Variants in PSMD3 observed in about 807,000 individuals in gnomAD.
PSMD3 encodes 26S proteasome non-ATPase regulatory subunit 3.
Under a neutral mutation model 62.8 loss-of-function variants are expected in PSMD3, and 5 were observed. That is an observed-to-expected ratio of 0.08 (90% CI 0.04 to 0.17). The LOEUF is 0.17. Among genes scored for constraint, PSMD3 ranks in the 10% least tolerant of loss-of-function variants. PSMD3 has a pLI of 1.00. For missense variants in PSMD3, 524 were observed against 713.6 expected (o/e 0.73, Z 3.03); for synonymous variants, 265 against 283.9 (o/e 0.93, Z 0.67).
Position 39,995,255 on chromosome 17 carries a change from C to T in PSMD3, c.1176C>T (p.Tyr392=), listed in dbSNP as rs765079424. ...AGAAGTTTCAAGCAGATGGGACCTA[C>T]ACCCTAATTATCCGGCTGCGGCACA... The part of the protein sequence containing the change: ...FGEKFQADGT[Y]TLIIRLRHNV... Residue 392 remains tyrosine (Y), a synonymous_variant, in exon 8 of 12, where the codon TAC becomes TAT. Coordinates refer to ENST00000264639, the MANE Select transcript of PSMD3 (RefSeq NM_002809.4). The surrounding 1 kb of genome is among the most constrained non-coding windows in gnomAD (Gnocchi z 4.1). 2.5e-6 allele frequency: 4 copies of T among 1,614,200 alleles called. No individual in the cohort carries two copies. The highest frequency in any genetic ancestry group is 2.2e-5 in the East Asian group (1 of 44,884).
chr17:39,984,117 G>A (rs1465622096), intron 1 of PSMD3, among the ~76,000 whole-genome samples, 177 bp from the exon 2 acceptor site: 2 of 147,898 alleles, frequency 1.4e-5, no homozygotes, highest in East Asian at 2.0e-4. Context: ...GGAGAATGGT[G>A]TGAACCCAGC....
chr17:39,984,199 C>CAA (rs34306234), intron 1 of PSMD3, 95 bp from the exon 2 acceptor site: 14,580 of 316,616 alleles, frequency 0.046, 165 homozygotes, highest in African/African-American at 0.083. Context: ...GACTCCGTCT[C>CAA]AAAAAAAAAA....
chr17:39,986,467 C>A, intron 2 of PSMD3, 108 bp from the exon 3 acceptor site: 2 of 1,350,708 alleles, frequency 1.5e-6, no homozygotes, highest in Non-Finnish European at 2.1e-6. Context: ...AATCTTGGCA[C>A]ATGGTAGACA....
chr17:39,984,222 AGAACT>A, intron 1 of PSMD3, 67 bp from the exon 2 acceptor site: 1 of 887,838 alleles, frequency 1.1e-6, no homozygotes, highest in Non-Finnish European at 1.6e-6. Context: ...AAAAAAAAAA[AGAACT>A]CCTTGCCTGG....
Position 39,984,317 on chromosome 17 carries a change from C to T in PSMD3, c.244C>T (p.Leu82=), listed in dbSNP as rs375097534. 1.8e-5 allele frequency: 29 copies of T among 1,613,172 alleles called. No homozygotes were observed. The highest frequency in any genetic ancestry group is 2.5e-5 in the Non-Finnish European group (29 of 1,179,756). Reference sequence around the variant, plus strand: ...AGACATCAAGGAGCACGTGAAACAGCTAGAGAAAGCGGTTTCAGGCAAGGA... The same window carrying T: ...AGACATCAAGGAGCACGTGAAACAGTTAGAGAAAGCGGTTTCAGGCAAGGA... The part of the protein sequence containing the change: ...LEDIKEHVKQ[L]EKAVSGKEPR... The change falls in exon 2 of 12, where the codon CTA becomes TTA. Residue 82 remains leucine (L), a synonymous_variant. Transcript: ENST00000264639.
rs1421814702 is a variant in PSMD3, at chr17:39,997,557, A to T, written c.1581A>T (p.Glu527Asp). 1.5e-5 allele frequency: 24 copies of T among 1,563,014 alleles called. No individual in the cohort carries two copies. The highest frequency in any genetic ancestry group is 1.5e-4 in the East Asian group (6 of 41,124). The change falls in exon 12 of 12, where the codon GAA becomes GAT. Residue 527 changes from glutamate to aspartate, a missense_variant. Glu to Asp is a conservative substitution (Grantham distance 45). Transcript: ENST00000264639. Reference sequence around the variant, plus strand: ...TGGAGTTTGCCAAGGAGATGGCAGAAGATGATGATGACAGCTTCCCTTGAG... The same window carrying T: ...TGGAGTTTGCCAAGGAGATGGCAGATGATGATGATGACAGCTTCCCTTGAG... ...QDLEFAKEMA[E>D]DDDDSFP
chr17:39,990,666 T>C (rs1044530356), intron 6 of PSMD3, among the ~76,000 whole-genome samples: 2 of 152,218 alleles, frequency 1.3e-5, no homozygotes, highest in African/African-American at 4.8e-5. Flanking sequence ...CAGTGGATAT[T>C]CAGAGTGTTT....
At chr17:39,997,222 C>A in intron 10 of PSMD3, 108 bp from the exon 11 acceptor site, 2 of 1,076,546 alleles carry the variant, frequency 1.9e-6, no homozygotes, top group Admixed American at 1.7e-5. Flanking sequence ...GGGCCCGCCG[C>A]TTCCTGCCTG....
At chr17:39,983,263 CCT>C in intron 1 of PSMD3, among the ~76,000 whole-genome samples, 1 of 152,258 alleles carries the variant, frequency 6.6e-6, no homozygotes, top group Admixed American at 6.5e-5. Context: ...CAACTGCTAC[CCT>C]TAATGATCCG....
At chr17:39,987,968 G>A (rs528736313) in intron 3 of PSMD3, among the ~76,000 whole-genome samples, 33 of 152,230 alleles carry the variant, frequency 2.2e-4, no homozygotes, top group Admixed American at 1.8e-3. Context: ...TTAGCCGGGC[G>A]TGGTGGTGTG....
chr17:39,981,060 G>T lies in PSMD3; in HGVS notation c.90G>T (p.Pro30=). The change falls in exon 1 of 12, where the codon CCG becomes CCT. Residue 30 remains proline (P), a synonymous_variant. Coordinates refer to ENST00000264639, the MANE Select transcript of PSMD3 (RefSeq NM_002809.4). The part of the protein sequence containing the change: ...GGGEQEPPPP[P]APQDVEMKEE... ...GAGAACAAGAACCCCCACCGCCGCC[G>T]GCCCCCCAGGATGTGGAGATGAAAG... The T allele has an allele frequency of 6.5e-7, 1 of 1,550,042 alleles. No homozygotes were observed.
At chr17:39,994,650 T>C in intron 6 of PSMD3, 1 of 384,020 alleles carries the variant, frequency 2.6e-6, no homozygotes, top group Non-Finnish European at 4.9e-6. Flanking sequence ...CCCGCCCTTC[T>C]GGCCTCACTT....
intron 6 of PSMD3, among the ~76,000 whole-genome samples, chr17:39,992,484 T>C (rs543529260): frequency 9.2e-5 from 14 of 152,304 alleles, no homozygotes; most frequent in Admixed American, 5.9e-4. Context: ...CTAACAGGCC[T>C]TGGGTGATGC....
At position 39,996,699 on chromosome 17, in the gene PSMD3, A is replaced by G. The variant is rs904211864; in HGVS notation, c.1476+361A>G. The G allele has an allele frequency of 4.1e-6, 2 of 488,498 alleles. No homozygotes were observed. Among genetic ancestry groups the G allele is most frequent in the Admixed American group, 2.3e-5 (1 of 43,464 alleles). The allele number at this position is 488,498 out of a possible 1,614,324, so 30.3% of individuals were successfully genotyped here. On this transcript the variant is annotated intron_variant, in intron 10 of 11. Coordinates refer to ENST00000264639, the MANE Select transcript of PSMD3 (RefSeq NM_002809.4). The surrounding 1 kb of genome is among the most constrained non-coding windows in gnomAD (Gnocchi z 5.1). ...GTGTTACCTGTCTTGCTTGCTTCAC[A>G]GGGTTGGTAAGATTAAAAGAAGTCC...
chr17:39,996,270 C>T lies in PSMD3; in HGVS notation c.1408C>T (p.Arg470Ter). ...GGAGATGATTGACATCTATTCCACC[C>T]GAGAGCCCCAGCTAGCCTTCCACCA... ...SKEMIDIYSTREPQLAFHQRI... is the reference protein window; with the variant it reads ...SKEMIDIYST Residue 470 changes from arginine to a stop codon, truncating the protein, a stop_gained, in exon 10 of 12, where the codon CGA becomes TGA. Transcript: ENST00000264639. LOFTEE classifies it high-confidence loss of function. The surrounding 1 kb of genome is among the most constrained non-coding windows in gnomAD (Gnocchi z 5.1). The T allele has an allele frequency of 1.2e-6, 2 of 1,614,098 alleles. No individual in the cohort carries two copies. The highest frequency in any genetic ancestry group is 1.3e-5 in the African/African-American group (1 of 75,024).
At position 39,986,596 on chromosome 17, in the gene PSMD3, T is replaced by G. The variant is rs887675984; in HGVS notation, c.433T>G (p.Leu145Val). ...CTAGCCCATGGACACAGAGGCTGAT[T>G]TACAGTTCCGTCCCCGCACGGGAAA... ...LEEPMDTEADLQFRPRTGKAA... is the reference protein window; with the variant it reads ...LEEPMDTEADVQFRPRTGKAA... Residue 145 changes from leucine (L) to valine (V), a missense_variant, in exon 3 of 12, where the codon TTA becomes GTA. Around this residue, in one of 4 missense-constraint regions of PSMD3, gnomAD observed 396 missense variants for 475.8 expected, o/e 0.83. Coordinates refer to ENST00000264639, the MANE Select transcript of PSMD3 (RefSeq NM_002809.4). 1.9e-6 allele frequency: 3 copies of G among 1,614,160 alleles called. No homozygotes were observed. Among genetic ancestry groups the G allele is most frequent in the Non-Finnish European group, 2.5e-6 (3 of 1,180,026 alleles).
At chr17:39,994,611 T>C (rs979024232) in intron 6 of PSMD3, 12 of 327,020 alleles carry the variant, frequency 3.7e-5, no homozygotes, top group African/African-American at 2.1e-4. Flanking sequence ...CTGTGAGCCC[T>C]GGTCCCTCGC....
At chr17:39,988,056 G>C (rs1186599381) in intron 3 of PSMD3, among the ~76,000 whole-genome samples, 1 of 152,166 alleles carries the variant, frequency 6.6e-6, no homozygotes, top group African/African-American at 2.4e-5. Context: ...GTGGTGAGCC[G>C]GGATTGTGCC....
chr17:39,980,856 G>GC lies in PSMD3; in HGVS notation c.-112dup. On this transcript the variant is annotated 5_prime_UTR_variant, in exon 1 of 12. Coordinates refer to ENST00000264639, the MANE Select transcript of PSMD3 (RefSeq NM_002809.4). ...TTTGCAGCTGCTCCGTCATCGTGCG[G>GC]CCCGACGCTATCTCGCGCTCGTGTG... is the stretch of plus-strand genomic sequence containing the variant. The GC allele has an allele frequency of 1.0e-6, 1 of 961,592 alleles. No individual in the cohort carries two copies. The highest frequency in any genetic ancestry group is 1.5e-6 in the Non-Finnish European group (1 of 680,418). 59.6% of individuals were successfully genotyped at this position (961,592 alleles called of 1,614,324 possible). A position where few individuals can be genotyped will look rare whatever the true frequency, so the allele number is the denominator to read the frequency against.
Sources: gnomAD v4.1 joint callset for allele counts (sites outside exome capture counted in the v4.1 genomes callset) on GRCh38, gnomAD v4.1.1 for gene constraint, gnomAD v4.1.1 regional missense constraint, Gnocchi (gnomAD v3.1) non-coding constraint, MANE v1.5 for transcripts, NCBI Gene and HGNC (gene_info 2026-07-23, HGNC 2026-07-21) for gene names.